Variants in RELN observed in about 807,000 individuals in gnomAD.
The protein encoded by RELN is reelin.
In RELN, 108 loss-of-function variants were observed where a neutral mutation model predicts 427.6. The observed-to-expected ratio is 0.25, with a 90% CI of 0.22 to 0.30. The LOEUF is 0.30. RELN is among the 10% of genes least tolerant of loss of function. RELN has a pLI of 1.00. For synonymous variants in RELN, 1,524 were observed against 1,513.4 expected (o/e 1.01, Z -0.16); for missense variants, 3,715 against 4,302.8 (o/e 0.86, Z 3.82).
rs1793953393 is a variant in RELN, at chr7:103,856,605, A to AGC, written c.338-22934_338-22933insGC. 5.3e-5 allele frequency among the ~76,000 whole-genome samples: 8 copies of AGC among 150,712 alleles called. No homozygotes were observed. In the South Asian group the frequency reaches 1.7e-3, roughly 32 times the overall value. On this transcript the variant is annotated intron_variant, in intron 2 of 64. Transcript: ENST00000428762. Reference sequence around the variant, plus strand: ...AAAAAAAAAGAAAGAAAGAAAGAAAAAAGCAAATATGTTGACAAAAATATC... The same window carrying AGC: ...AAAAAAAAAGAAAGAAAGAAAGAAAAGCAAGCAAATATGTTGACAAAAATATC...
At chr7:103,659,344 T>C (rs1370545628) in intron 12 of RELN, among the ~76,000 whole-genome samples, 3 of 152,092 alleles carry the variant, frequency 2.0e-5, no homozygotes, top group Non-Finnish European at 4.4e-5. Context: ...AATTTTCTGA[T>C]AGCTCCACAC....
At chr7:103,477,931 G>T (rs1828093064) in intron 64 of RELN, among the ~76,000 whole-genome samples, 1 of 152,182 alleles carries the variant, frequency 6.6e-6, no homozygotes, top group Non-Finnish European at 1.5e-5. Context: ...GGTAAGTCAA[G>T]GGACCCTCAT....
intron 36 of RELN, 98 bp downstream of exon 36, chr7:103,561,434 C>T: frequency 1.0e-6 from 1 of 984,358 alleles, no homozygotes; most frequent in Non-Finnish European, 1.6e-6. Flanking sequence ...AATATTATGT[C>T]ATTTGAAGAG....
At chr7:103,558,361 C>T (rs1830570376) in intron 36 of RELN, among the ~76,000 whole-genome samples, 1 of 152,122 alleles carries the variant, frequency 6.6e-6, no homozygotes, top group Non-Finnish European at 1.5e-5. Context: ...AAACAGCCTC[C>T]TTTGATCACA....
At position 103,518,344 on chromosome 7, in the gene RELN, TTTTTTA is replaced by T. The variant is rs1268430602; in HGVS notation, c.7862+973_7862+978del. ...TACGTTTCCTTTTTTTTTTTTTTTT[TTTTTTA>T]AAGATGCGGTCTTACTCTGTCACCC... is the stretch of plus-strand genomic sequence containing the variant. On this transcript the variant is annotated intron_variant, in intron 49 of 64. Coordinates refer to ENST00000428762, the MANE Select transcript of RELN (RefSeq NM_005045.4). Among the ~76,000 whole-genome samples, 297 of 103,226 alleles carry T rather than the reference TTTTTTA, an allele frequency of 2.9e-3. 6 individuals carry two copies. The highest frequency in any genetic ancestry group is 0.019 in the East Asian group (40 of 2,152). The allele number at this position is 103,226 out of a possible 152,430, so 67.7% of individuals were successfully genotyped here. A position where few individuals can be genotyped will look rare whatever the true frequency, so the allele number is the denominator to read the frequency against.
At position 103,697,941 on chromosome 7, in the gene RELN, T is replaced by C. The variant is rs768851752; in HGVS notation, c.1055A>G (p.Asn352Ser). Residue 352 changes from asparagine (N) to serine (S), a missense_variant, in exon 10 of 65, where the codon AAT (asparagine) becomes AGT (serine). Physicochemically the swap from Asn to Ser is conservative, Grantham distance 46. Transcript: ENST00000428762. The stretch of plus-strand genomic sequence containing the variant: ...TAAAACGACTTGTCTGTGAGCTGAA[T>C]TGATGATCAAGATGTTATCTAAGGC... ...CWALDNILII[N>S]SAHRQVVLED... 10 of 1,613,834 alleles carry C rather than the reference T, an allele frequency of 6.2e-6. No individual in the cohort carries two copies. The Admixed American group carries it at 1.7e-4, about 27-fold the overall frequency.
intron 1 of RELN, among the ~76,000 whole-genome samples, chr7:103,984,168 AT>A (rs1446431101): frequency 6.9e-6 from 1 of 145,576 alleles, no homozygotes; most frequent in East Asian, 2.0e-4. Flanking sequence ...AAAAAAAAAA[AT>A]CAAAGACAGA....
intron 40 of RELN, among the ~76,000 whole-genome samples, chr7:103,552,999 T>C (rs1358830003): frequency 6.6e-6 from 1 of 152,098 alleles, no homozygotes; most frequent in African/African-American, 2.4e-5. Context: ...TGCATAAATA[T>C]TAATAAAATA....
chr7:103,553,471 A>G lies in RELN; in HGVS notation c.6062T>C (p.Ile2021Thr). The change falls in exon 40 of 65, where the codon ATA (isoleucine) becomes ACA (threonine). Residue 2021 changes from isoleucine to threonine, a missense_variant. Physicochemically the swap from Ile to Thr is moderately conservative, Grantham distance 89 (BLOSUM62 -1). Transcript: ENST00000428762. ...RDLNVNENTI[I>T]QFEINVGCST... ...AACAAAGTCAAGTACCTCAAATTGTATGATGGTGTTCTCATTCACATTTAG... is the reference window on the plus strand; with the variant it reads ...AACAAAGTCAAGTACCTCAAATTGTGTGATGGTGTTCTCATTCACATTTAG... The G allele has an allele frequency of 6.2e-7, 1 of 1,611,692 alleles. No homozygotes were observed. The highest frequency in any genetic ancestry group is 8.5e-7 in the Non-Finnish European group (1 of 1,177,814).
rs769784565 is a variant in RELN, at chr7:103,545,243, A to T, written c.6404T>A (p.Met2135Lys). Residue 2135 changes from methionine (M) to lysine (K), a missense_variant, in exon 42 of 65, where the codon ATG becomes AAG. Met to Lys is a moderately conservative substitution (Grantham distance 95, BLOSUM62 -1). This residue lies in a region of RELN where 1,310 missense variants were observed against 1,643.0 expected (regional missense o/e 0.80). Transcript: ENST00000428762. Reference protein sequence around the residue: ...NVYIGPQCEEMCNGQGSCING... With the variant: ...NVYIGPQCEEKCNGQGSCING... The stretch of plus-strand genomic sequence containing the variant: ...GATACAGCTCCCCTGTCCATTACAC[A>T]TCTCCTCACACTGGGGACCGATGTA... 1.9e-6 allele frequency: 3 copies of T among 1,613,818 alleles called. No individual in the cohort carries two copies. The Admixed American group carries it at 5.0e-5, about 27-fold the overall frequency.
At chr7:103,590,240 T>C (rs541065543) in intron 27 of RELN, among the ~76,000 whole-genome samples, 50 of 152,268 alleles carry the variant, frequency 3.3e-4, no homozygotes, top group Non-Finnish European at 5.4e-4. Context: ...AGCATCCTCC[T>C]TCTGTTTCCT....
chr7:103,511,033 A>T (rs1299326516), intron 50 of RELN, 28 bp from the exon 51 acceptor site: 1 of 1,594,134 alleles, frequency 6.3e-7, no homozygotes, highest in African/African-American at 1.3e-5. Flanking sequence ...AAATTTTATG[A>T]CAAATTTGTG....
chr7:103,673,751 TA>T (rs149775936), intron 11 of RELN, among the ~76,000 whole-genome samples: 2 of 152,206 alleles, frequency 1.3e-5, no homozygotes, highest in Admixed American at 6.5e-5. Context: ...CTGCTTCCTT[TA>T]AAAAAATGCT....
intron 20 of RELN, among the ~76,000 whole-genome samples, chr7:103,625,674 TC>T (rs1260035461): frequency 1.3e-5 from 2 of 151,272 alleles, no homozygotes; most frequent in East Asian, 2.0e-4. Flanking sequence ...TTCACATGTA[TC>T]CCCCCTTTTT....
Position 103,510,892 on chromosome 7 carries a change from G to A in RELN, c.8233C>T (p.His2745Tyr), listed in dbSNP as rs1374690790. ...CAGCCTTCAGTGGGAGTCAGGTCAT[G>A]GGTCACTGCATACACCTCCCGTCCA... ...HDGREVYAVT[H>Y]DLTPTEGWIM... is the part of the protein sequence containing the mutation. Residue 2745 changes from histidine (H) to tyrosine (Y), a missense_variant, in exon 51 of 65, where the codon CAT (histidine) becomes TAT (tyrosine). His to Tyr is a moderately conservative substitution (Grantham distance 83). Coordinates refer to ENST00000428762, the MANE Select transcript of RELN (RefSeq NM_005045.4). The A allele has an allele frequency of 1.9e-6, 3 of 1,613,512 alleles. No individual in the cohort carries two copies. Among genetic ancestry groups the A allele is most frequent in the East Asian group, 2.2e-5 (1 of 44,872 alleles).
At chr7:103,482,330 G>C (rs1362390444) in intron 63 of RELN, 1 of 164,348 alleles carries the variant, frequency 6.1e-6, no homozygotes, top group Non-Finnish European at 1.3e-5. Flanking sequence ...ACCCGGCCAG[G>C]TGAGAGTGGT....
chr7:103,933,263 T>G lies in RELN; in HGVS notation c.227-16078A>C, dbSNP rs532250709. Among the ~76,000 whole-genome samples, 6 of 152,306 alleles carry G rather than the reference T, an allele frequency of 3.9e-5. No individual in the cohort carries two copies. The East Asian group carries it at 1.2e-3, about 29-fold the overall frequency. On this transcript the variant is annotated intron_variant, in intron 1 of 64. Coordinates refer to ENST00000428762, the MANE Select transcript of RELN (RefSeq NM_005045.4). ...GTATGCATTACCTTTGTTTTTGAGATAATTATAATTTTGCATAATTTGATG... is the reference window on the plus strand; with the variant it reads ...GTATGCATTACCTTTGTTTTTGAGAGAATTATAATTTTGCATAATTTGATG...
At chr7:103,788,626 A>G (rs557412458) in intron 3 of RELN, among the ~76,000 whole-genome samples, 2 of 152,362 alleles carry the variant, frequency 1.3e-5, no homozygotes, top group East Asian at 3.9e-4. Flanking sequence ...AATACAACTT[A>G]CAAGGGATGT....
chr7:103,561,632 C>G lies in RELN; in HGVS notation c.5429G>C (p.Gly1810Ala). 1 of 1,613,916 alleles carries G rather than the reference C, an allele frequency of 6.2e-7. No homozygotes were observed. Among genetic ancestry groups the G allele is most frequent in the Non-Finnish European group, 8.5e-7 (1 of 1,179,914 alleles). The change falls in exon 36 of 65, where the codon GGG becomes GCG. Residue 1810 changes from glycine to alanine, a missense_variant. This residue lies in a region of RELN where 2,208 missense variants were observed against 2,361.7 expected (regional missense o/e 0.93). Coordinates refer to ENST00000428762, the MANE Select transcript of RELN (RefSeq NM_005045.4). ...LPSILKDDFN[G>A]NLHPDLWPEV... is the part of the protein sequence containing the mutation. Reference sequence around the variant, plus strand: ...AGGCCAAAGGTCAGGATGTAAATTCCCATTGAAATCGTCTTTAAGAATCGA... The same window carrying G: ...AGGCCAAAGGTCAGGATGTAAATTCGCATTGAAATCGTCTTTAAGAATCGA...
Sources: gnomAD v4.1 joint callset for allele counts (sites outside exome capture counted in the v4.1 genomes callset) on GRCh38, gnomAD v4.1.1 for gene constraint, gnomAD v4.1.1 regional missense constraint, MANE v1.5 for transcripts, NCBI Gene and HGNC (gene_info 2026-07-23, HGNC 2026-07-21) for gene names.